The following STPG2 variants were observed in gnomAD, a reference collection of about 807,000 sequenced individuals.
The protein encoded by STPG2 is sperm tail PG-rich repeat containing 2.
In STPG2, 56 loss-of-function variants were observed where a neutral mutation model predicts 54.2. The observed-to-expected ratio is 1.03, with a 90% CI of 0.83 to 1.29. The LOEUF (loss-of-function observed/expected upper bound fraction) is 1.29, where lower values mean the gene tolerates loss of function less well. Ranked by LOEUF, STPG2 falls within the 50% of genes most tolerant of loss-of-function variation. STPG2 has a pLI of 0.00. For missense variants in STPG2, 596 were observed against 544.9 expected (o/e 1.09, Z -0.93); for synonymous variants, 200 against 181.8 (o/e 1.10, Z -0.81).
chr4:97,463,964 A>G (rs900933956), intron 4 of STPG2, among the ~76,000 whole-genome samples: 2 of 152,178 alleles, frequency 1.3e-5, no homozygotes, highest in Admixed American at 1.3e-4. Context: ...CTATTGCTGT[A>G]TAGTATTCCG....
At chr4:97,616,083 T>C (rs1292196423) in intron 10 of STPG2, among the ~76,000 whole-genome samples, 3 of 82,992 alleles carry the variant, frequency 3.6e-5, no homozygotes, top group Non-Finnish European at 5.7e-5. Context: ...TATATATATA[T>C]ATATATATAT....
intron 8 of STPG2, among the ~76,000 whole-genome samples, chr4:97,912,218 A>G (rs1343712000): frequency 6.6e-6 from 1 of 152,216 alleles, no homozygotes; most frequent in Non-Finnish European, 1.5e-5. Flanking sequence ...AGGGAAAAAA[A>G]TCAACACAAA....
At chr4:97,579,933 CTTTA>C (rs754326541) in intron 10 of STPG2, among the ~76,000 whole-genome samples, 7 of 151,992 alleles carry the variant, frequency 4.6e-5, no homozygotes, top group African/African-American at 1.4e-4. Context: ...TATATCAACA[CTTTA>C]TTTATCTATC....
intron 9 of STPG2, among the ~76,000 whole-genome samples, chr4:97,826,604 C>T (rs748711769): frequency 3.3e-5 from 5 of 152,052 alleles, no homozygotes; most frequent in African/African-American, 4.8e-5. Flanking sequence ...ATATATTTGT[C>T]GACAAGGTTT....
intron 5 of STPG2, among the ~76,000 whole-genome samples, chr4:98,047,637 C>T (rs1047223483): frequency 1.3e-5 from 2 of 152,132 alleles, no homozygotes; most frequent in African/African-American, 4.8e-5. Context: ...GCCAATCCCT[C>T]ATGTAGGAGC....
At chr4:97,882,849 G>T (rs147849662) in intron 8 of STPG2, among the ~76,000 whole-genome samples, 1 of 151,938 alleles carries the variant, frequency 6.6e-6, no homozygotes, top group African/African-American at 2.4e-5. Context: ...TAAGGCAAAG[G>T]TATGCAAATC....
chr4:97,881,968 C>T (rs1234843799), intron 8 of STPG2, among the ~76,000 whole-genome samples: 1 of 152,072 alleles, frequency 6.6e-6, no homozygotes, highest in Non-Finnish European at 1.5e-5. Flanking sequence ...TTTTCTCAAA[C>T]CTATAAAAGA....
At chr4:98,125,450 G>T (rs1739802652) in intron 3 of STPG2, among the ~76,000 whole-genome samples, 1 of 152,038 alleles carries the variant, frequency 6.6e-6, no homozygotes, top group South Asian at 2.1e-4. Context: ...AGTTTTCTGG[G>T]GGTCCACACC....
At chr4:97,670,023 C>G (rs1468987498) in intron 10 of STPG2, among the ~76,000 whole-genome samples, 2 of 151,564 alleles carry the variant, frequency 1.3e-5, no homozygotes, top group African/African-American at 4.8e-5. Flanking sequence ...TGCTATATTC[C>G]TAACAAAGGT....
In STPG2 at chr4:98,101,085, T is replaced by C. The variant is rs1169415436; in HGVS notation, c.612+4868A>G. 5.9e-5 allele frequency among the ~76,000 whole-genome samples: 9 copies of C among 152,114 alleles called. No individual in the cohort carries two copies. The South Asian group carries it at 6.2e-4, about 10-fold the overall frequency. ...CTTTTACCACCCCTGGGATCCCACATTAAGACATTTCTCCAGTTGGCCTAC... is the reference window on the plus strand; with the variant it reads ...CTTTTACCACCCCTGGGATCCCACACTAAGACATTTCTCCAGTTGGCCTAC... On this transcript the variant is annotated intron_variant, in intron 5 of 10. Coordinates refer to ENST00000295268, the MANE Select transcript of STPG2 (RefSeq NM_174952.3).
At chr4:97,541,208 T>C (rs981786407) in intron 4 of STPG2, among the ~76,000 whole-genome samples, 3 of 152,114 alleles carry the variant, frequency 2.0e-5, no homozygotes, top group African/African-American at 7.2e-5. Flanking sequence ...CATGATTGTA[T>C]ATCTAGAAAA....
intron 4 of STPG2, among the ~76,000 whole-genome samples, chr4:97,476,557 G>A (rs976447171): frequency 6.6e-6 from 1 of 152,064 alleles, no homozygotes; most frequent in South Asian, 2.1e-4. Context: ...TTGAATGATA[G>A]TGATTCTGGA....
At chr4:97,689,855 CAAAATTTTACAAGCA>C (rs946185530) in intron 10 of STPG2, among the ~76,000 whole-genome samples, 1 of 151,920 alleles carries the variant, frequency 6.6e-6, no homozygotes, top group African/African-American at 2.4e-5. Flanking sequence ...TTTTTTACCT[CAAAATTTTACAAGCA>C]TAGAAATCTC....
chr4:97,833,230 T>C (rs895793760), intron 9 of STPG2, among the ~76,000 whole-genome samples: 4 of 152,144 alleles, frequency 2.6e-5, no homozygotes, highest in Non-Finnish European at 4.4e-5. Flanking sequence ...ATCAGATCTT[T>C]GATAAACCTG....
At chr4:98,139,366 G>C (rs1740217903) in intron 1 of STPG2, among the ~76,000 whole-genome samples, 1 of 152,292 alleles carries the variant, frequency 6.6e-6, no homozygotes, top group African/African-American at 2.4e-5. Flanking sequence ...TGGAAATAAA[G>C]AGTATCTGTA....
chr4:97,637,432 C>G (rs1305366602), intron 10 of STPG2, among the ~76,000 whole-genome samples: 1 of 152,094 alleles, frequency 6.6e-6, no homozygotes, highest in African/African-American at 2.4e-5. Flanking sequence ...AAAACTGGCA[C>G]AAGACAGGGA....
At chr4:98,069,553 A>T (rs1470888500) in intron 5 of STPG2, among the ~76,000 whole-genome samples, 1 of 151,990 alleles carries the variant, frequency 6.6e-6, no homozygotes, top group Non-Finnish European at 1.5e-5. Flanking sequence ...AAGCTAAAAA[A>T]AGCATGAAAA....
At chr4:97,856,153 C>CT (rs1397379751) in intron 8 of STPG2, among the ~76,000 whole-genome samples, 1 of 152,114 alleles carries the variant, frequency 6.6e-6, no homozygotes, top group Non-Finnish European at 1.5e-5. Flanking sequence ...TATTTGACCT[C>CT]TTTTTTGGTT....
chr4:97,541,956 A>C (rs1731718857), intron 4 of STPG2, among the ~76,000 whole-genome samples: 1 of 152,222 alleles, frequency 6.6e-6, no homozygotes, highest in Admixed American at 6.5e-5. Context: ...CTTACACCTT[A>C]TACAAAAATT....
Sources: allele counts gnomAD v4.1 joint callset (sites outside exome capture counted in the v4.1 genomes callset), GRCh38; gene constraint gnomAD v4.1.1; transcripts MANE v1.5; gene names NCBI Gene and HGNC (gene_info 2026-07-23, HGNC 2026-07-21).